Variants in TMEM131L observed in about 807,000 individuals in gnomAD.
TMEM131L encodes the protein transmembrane 131 like.
TMEM131L carries 54 observed loss-of-function variants against 192.2 expected under a neutral mutation model. The observed-to-expected ratio is 0.28, with a 90% confidence interval of 0.23 to 0.35. The LOEUF (loss-of-function observed/expected upper bound fraction) is 0.35. Ranked by LOEUF, TMEM131L falls within the 10% of genes least tolerant of loss-of-function variation. The pLI is 1.00. For missense variants in TMEM131L, 1,888 were observed against 1,972.9 expected, an observed-to-expected ratio of 0.96 and a Z score of 0.82; for synonymous variants, 701 against 704.9, an observed-to-expected ratio of 0.99 and a Z score of 0.09.
At chr4:153,574,696 C>A (rs144959248) in intron 7 of TMEM131L, among the ~76,000 whole-genome samples, 35 of 152,246 alleles carry the variant, frequency 2.3e-4, no homozygotes, top group African/African-American at 8.4e-4. Flanking sequence ...CAAGCAATTC[C>A]CCAGCTTCAG....
At chr4:153,545,346 G>T (rs1288094538) in intron 3 of TMEM131L, among the ~76,000 whole-genome samples, 1 of 146,400 alleles carries the variant, frequency 6.8e-6, no homozygotes, top group Non-Finnish European at 1.5e-5. Flanking sequence ...GGAGTGCAGT[G>T]GCGCGATCCC....
chr4:153,480,740 G>A (rs922311121), intron 3 of TMEM131L, among the ~76,000 whole-genome samples: 2 of 152,042 alleles, frequency 1.3e-5, no homozygotes, highest in Admixed American at 6.6e-5. Flanking sequence ...TTGCTCTGTT[G>A]GCTTTTTATA....
chr4:153,591,609 C>G (rs139070107), intron 17 of TMEM131L, among the ~76,000 whole-genome samples: 1 of 152,102 alleles, frequency 6.6e-6, no homozygotes, highest in African/African-American at 2.4e-5. Flanking sequence ...GTGCCTCTCT[C>G]GTCCAGCTCC....
chr4:153,632,944 TC>T, intron 32 of TMEM131L, 106 bp downstream of exon 32: 1 of 1,340,856 alleles, frequency 7.5e-7, no homozygotes, highest in South Asian at 1.3e-5. Flanking sequence ...AGGCTAGGCT[TC>T]TTCCTTGGTG....
chr4:153,586,008 T>C (rs1730675383), intron 13 of TMEM131L, among the ~76,000 whole-genome samples: 1 of 152,224 alleles, frequency 6.6e-6, no homozygotes. Flanking sequence ...AGATTACTTT[T>C]GTGAAATTTA....
At chr4:153,519,817 T>A (rs1172241239) in intron 3 of TMEM131L, among the ~76,000 whole-genome samples, 1 of 152,208 alleles carries the variant, frequency 6.6e-6, no homozygotes, top group African/African-American at 2.4e-5. Context: ...AAGAACCTGC[T>A]ATATCAAGTG....
intron 3 of TMEM131L, among the ~76,000 whole-genome samples, chr4:153,523,698 T>C (rs1050737592): frequency 3.9e-5 from 6 of 152,160 alleles, no homozygotes; most frequent in Non-Finnish European, 7.3e-5. Flanking sequence ...TTTTCATGGA[T>C]CGTTATCATA....
intron 13 of TMEM131L, 68 bp from the exon 14 acceptor site, chr4:153,586,141 A>G: frequency 8.7e-7 from 1 of 1,155,910 alleles, no homozygotes; most frequent in Non-Finnish European, 1.2e-6. Context: ...TTAGCATCAT[A>G]CTTTATAATG....
intron 3 of TMEM131L, among the ~76,000 whole-genome samples, chr4:153,522,272 G>C (rs900750286): frequency 6.6e-6 from 1 of 152,166 alleles, no homozygotes; most frequent in African/African-American, 2.4e-5. Flanking sequence ...TTGAGTTCCT[G>C]TTTTGTGCCC....
In TMEM131L at chr4:153,604,044, G is replaced by A. The variant is rs1233757543; in HGVS notation, c.3032G>A (p.Gly1011Asp). The A allele has an allele frequency of 1.9e-6, 3 of 1,614,166 alleles. No homozygotes were observed. The highest frequency in any genetic ancestry group is 2.5e-6 in the Non-Finnish European group (3 of 1,180,036). Residue 1011 changes from glycine to aspartate, a missense_variant, in exon 25 of 35, where the codon GGC becomes GAC. Transcript: ENST00000409959. ...TTEEKQTSPL[G>D]SSLPAAKEDI... ...GAGGAAAAACAGACTTCACCCCTGG[G>A]CAGCTCACTGCCTGCTGCTAAAGAG... is the stretch of plus-strand genomic sequence containing the variant.
At chr4:153,477,319 C>T (rs1259671508) in intron 3 of TMEM131L, among the ~76,000 whole-genome samples, 1 of 152,172 alleles carries the variant, frequency 6.6e-6, no homozygotes, top group African/African-American at 2.4e-5. Context: ...GTTGATACCA[C>T]TCTGGAGCTC....
At chr4:153,582,422 T>TTTTTTG (rs1561212449) in intron 9 of TMEM131L, among the ~76,000 whole-genome samples, 14 of 131,030 alleles carry the variant, frequency 1.1e-4, no homozygotes, top group African/African-American at 5.1e-4. Context: ...TTTAAACCGT[T>TTTTTTG]TTTTTTTGTT....
rs1730649712 is a variant in TMEM131L at position 153,585,616 on chromosome 4, A to G, written c.1311+5A>G. ...GAGACCAAGCACATGTTAAAGGTAC[A>G]TATAGTATTTTTTCCCCAAGTTTTA... On this transcript the variant is annotated splice_donor_5th_base_variant and intron_variant, in intron 13 of 34. Transcript: ENST00000409959. 1 of 1,577,984 alleles carries G rather than the reference A, an allele frequency of 6.3e-7. No homozygotes were observed. Among genetic ancestry groups the G allele is most frequent in the Non-Finnish European group, 8.6e-7 (1 of 1,159,586 alleles).
At chr4:153,592,129 C>CTACATATATACAGT (rs1561222147) in intron 17 of TMEM131L, among the ~76,000 whole-genome samples, 10 of 151,704 alleles carry the variant, frequency 6.6e-5, no homozygotes, top group Non-Finnish European at 1.0e-4. Flanking sequence ...ATATATACAG[C>CTACATATATACAGT]ATATATGTAT....
chr4:153,558,184 G>A (rs763156070), intron 6 of TMEM131L, 74 bp from the exon 7 acceptor site: 16 of 710,636 alleles, frequency 2.3e-5, no homozygotes, highest in Non-Finnish European at 3.8e-5. Flanking sequence ...TTCCTTTGGA[G>A]ACGTGCTTTA....
chr4:153,475,777 A>G (rs1731488388), intron 3 of TMEM131L, among the ~76,000 whole-genome samples: 2 of 152,202 alleles, frequency 1.3e-5, no homozygotes, highest in Non-Finnish European at 2.9e-5. Flanking sequence ...TTCACATTGT[A>G]TTAGGTATTA....
intron 32 of TMEM131L, among the ~76,000 whole-genome samples, 179 bp downstream of exon 32, chr4:153,633,017 A>G (rs1734320920): frequency 7.0e-6 from 1 of 143,820 alleles, no homozygotes; most frequent in South Asian, 2.2e-4. Flanking sequence ...CCAGGCATTG[A>G]GAGAAACATG....
In TMEM131L at chr4:153,580,846, C is replaced by A. The variant is rs761626217; in HGVS notation, c.681C>A (p.Ser227Arg). The part of the protein sequence containing the change: ...SQMQAETTNT[S>R]LLQVQLECSL... ...TTTAGGCAGAAACCACTAATACTAG[C>A]CTCTTGCAGGTGCAACTGGAATGCA... The change falls in exon 8 of 35, where the codon AGC becomes AGA. Residue 227 changes from serine to arginine, a missense_variant. Physicochemically the swap from Ser to Arg is moderately radical, Grantham distance 110 (BLOSUM62 -1). Coordinates refer to ENST00000409959, the MANE Select transcript of TMEM131L (RefSeq NM_001131007.2). 16 of 1,612,174 alleles carry A rather than the reference C, an allele frequency of 9.9e-6. 1 individual carries two copies. The South Asian group carries it at 1.8e-4, about 18-fold the overall frequency.
At chr4:153,565,224 T>C (rs1174858209) in intron 7 of TMEM131L, among the ~76,000 whole-genome samples, 1 of 152,220 alleles carries the variant, frequency 6.6e-6, no homozygotes, top group African/African-American at 2.4e-5. Flanking sequence ...TTATAATCTC[T>C]ATCAATTTCG....
Sources: allele counts gnomAD v4.1 joint callset (sites outside exome capture counted in the v4.1 genomes callset), GRCh38; gene constraint gnomAD v4.1.1; transcripts MANE v1.5; gene names NCBI Gene and HGNC (gene_info 2026-07-23, HGNC 2026-07-21).